Variants in EYA1 observed in about 807,000 individuals in gnomAD.
EYA1 encodes the protein protein phosphatase EYA1.
EYA1 carries 16 observed loss-of-function variants against 82.0 expected under a neutral mutation model. That is an observed-to-expected ratio of 0.20 (90% confidence interval 0.13 to 0.30). The LOEUF (loss-of-function observed/expected upper bound fraction) is 0.30, where lower values mean the gene tolerates loss of function less well. Ranked by LOEUF, EYA1 falls within the 10% of genes least tolerant of loss-of-function variation. The pLI is 1.00. For missense variants in EYA1, 633 were observed against 730.7 expected (o/e 0.87, Z 1.54); for synonymous variants, 261 against 264.4 (o/e 0.99, Z 0.12).
At chr8:71,496,069 T>A (rs924683368) in intron 2 of EYA1, among the ~76,000 whole-genome samples, 8 of 152,218 alleles carry the variant, frequency 5.3e-5, no homozygotes, top group Non-Finnish European at 7.3e-5. Context: ...TTAACTTTTT[T>A]AAAAAACTCA....
At chr8:71,416,825 G>C in intron 2 of EYA1, among the ~76,000 whole-genome samples, 1 of 152,140 alleles carries the variant, frequency 6.6e-6, no homozygotes, top group Non-Finnish European at 1.5e-5. Flanking sequence ...CTAGAAATAT[G>C]ATGACCCTGT....
chr8:71,370,085 C>G (rs955902626), intron 2 of EYA1, among the ~76,000 whole-genome samples: 2 of 151,926 alleles, frequency 1.3e-5, no homozygotes, highest in African/African-American at 2.4e-5. Flanking sequence ...CATATTCTTC[C>G]CTAAGTATAC....
rs1809198311 is a variant in EYA1, at chr8:71,471,384, A to G, written c.33+64360T>C. Among the ~76,000 whole-genome samples the G allele has an allele frequency of 2.6e-5, 4 of 152,208 alleles. No individual in the cohort carries two copies. In the South Asian group the frequency reaches 8.3e-4, roughly 32 times the overall value. On this transcript the variant is annotated intron_variant, in intron 2 of 18. Coordinates refer to the EYA1 transcript ENST00000643681. Reference sequence around the variant, plus strand: ...AGATGATTGTTATATATTGATATATACACACATAATTTTAATATATGGACT... The same window carrying G: ...AGATGATTGTTATATATTGATATATGCACACATAATTTTAATATATGGACT...
intron 2 of EYA1, among the ~76,000 whole-genome samples, chr8:71,523,202 G>C (rs1292761228): frequency 4.0e-5 from 4 of 99,300 alleles, no homozygotes; most frequent in Non-Finnish European, 6.9e-5. Context: ...TTTTTGAGAC[G>C]GAGTCTCGCT....
intron 2 of EYA1, among the ~76,000 whole-genome samples, chr8:71,405,351 C>T (rs781104165): frequency 5.3e-5 from 8 of 152,134 alleles, no homozygotes; most frequent in Admixed American, 3.3e-4. Context: ...AACCTTTTTT[C>T]GGGATAATTA....
At chr8:71,399,755 C>G (rs947621836) in intron 2 of EYA1, among the ~76,000 whole-genome samples, 16 of 152,138 alleles carry the variant, frequency 1.1e-4, no homozygotes, top group African/African-American at 3.1e-4. Context: ...GCTATTCCCA[C>G]TAAACTACCA....
intron 3 of EYA1, among the ~76,000 whole-genome samples, chr8:71,338,280 A>G (rs1281962575): frequency 4.6e-5 from 7 of 152,242 alleles, no homozygotes; most frequent in Non-Finnish European, 1.0e-4. Context: ...TTGTGATTAT[A>G]TGAAGAAAAC....
At chr8:71,235,945 C>T (rs1280358498) in intron 12 of EYA1, among the ~76,000 whole-genome samples, 2 of 152,152 alleles carry the variant, frequency 1.3e-5, no homozygotes, top group African/African-American at 4.8e-5. Flanking sequence ...GTAGACTGAT[C>T]ACTTTTAAAC....
intron 7 of EYA1, among the ~76,000 whole-genome samples, chr8:71,306,233 A>T (rs1287479284): frequency 1.4e-5 from 2 of 146,876 alleles, no homozygotes; most frequent in African/African-American, 2.5e-5. Flanking sequence ...GGGTGAGAAT[A>T]AACTATCCAA....
chr8:71,520,216 C>G (rs180834602), intron 2 of EYA1, among the ~76,000 whole-genome samples: 25 of 150,890 alleles, frequency 1.7e-4, no homozygotes, highest in Non-Finnish European at 3.2e-4. Flanking sequence ...CTCATTGGCC[C>G]CCCCCTCCAC....
At chr8:71,424,348 TA>T (rs1831304865) in intron 2 of EYA1, among the ~76,000 whole-genome samples, 1 of 152,214 alleles carries the variant, frequency 6.6e-6, no homozygotes, top group Non-Finnish European at 1.5e-5. Flanking sequence ...TGAGAGTGTA[TA>T]AAGTATGTAA....
chr8:71,385,371 A>G (rs574082111), intron 2 of EYA1, among the ~76,000 whole-genome samples: 2 of 152,254 alleles, frequency 1.3e-5, no homozygotes, highest in African/African-American at 4.8e-5. Flanking sequence ...AGAATAAATG[A>G]TCACTCTCAC....
intron 9 of EYA1, among the ~76,000 whole-genome samples, chr8:71,293,761 A>C (rs545556637): frequency 6.6e-6 from 1 of 151,078 alleles, no homozygotes; most frequent in East Asian, 2.0e-4. Flanking sequence ...AAAACTCAGT[A>C]ATCTAGGAAA....
At chr8:71,401,632 C>T (rs1181241654) in intron 2 of EYA1, among the ~76,000 whole-genome samples, 2 of 108,598 alleles carry the variant, frequency 1.8e-5, no homozygotes, top group African/African-American at 4.0e-5. Context: ...GGACAGTTTA[C>T]TCAACCTCTC....
intron 10 of EYA1, among the ~76,000 whole-genome samples, chr8:71,271,137 A>AT (rs759177278): frequency 2.6e-5 from 4 of 152,222 alleles, no homozygotes; most frequent in South Asian, 2.1e-4. Context: ...GATTTTATTT[A>AT]TTTTTTGTAT....
intron 2 of EYA1, among the ~76,000 whole-genome samples, chr8:71,390,416 C>T (rs1829212289): frequency 6.6e-6 from 1 of 152,020 alleles, no homozygotes; most frequent in Non-Finnish European, 1.5e-5. Context: ...GTATGTACCA[C>T]CATGCCCAAC....
At chr8:71,493,014 A>G (rs1169434691) in intron 2 of EYA1, among the ~76,000 whole-genome samples, 1 of 152,146 alleles carries the variant, frequency 6.6e-6, no homozygotes, top group African/African-American at 2.4e-5. Flanking sequence ...AACCTGTGCT[A>G]ATTGGTTTTC....
intron 11 of EYA1, among the ~76,000 whole-genome samples, chr8:71,259,463 G>GT (rs1335386755): frequency 1.3e-4 from 20 of 152,288 alleles, no homozygotes; most frequent in African/African-American, 4.6e-4. Flanking sequence ...AAAGAAACAC[G>GT]TAAGACTCAT....
At chr8:71,406,780 G>T (rs1347362062) in intron 2 of EYA1, among the ~76,000 whole-genome samples, 1 of 148,706 alleles carries the variant, frequency 6.7e-6, no homozygotes, top group Admixed American at 6.7e-5. Flanking sequence ...ACTGCAAGGC[G>T]GCAGCGAGGC....
Sources: gnomAD v4.1 joint callset for allele counts (sites outside exome capture counted in the v4.1 genomes callset) on GRCh38, gnomAD v4.1.1 for gene constraint, MANE v1.5 for transcripts, NCBI Gene and HGNC (gene_info 2026-07-23, HGNC 2026-07-21) for gene names.